DST: variants seen among roughly 807,000 people sequenced by gnomAD.
The protein encoded by DST is bullous pemphigoid antigen.
DST carries 253 observed loss-of-function variants against 875.2 expected under a neutral mutation model. That is an observed-to-expected ratio of 0.29 (90% CI 0.26 to 0.32). The LOEUF (loss-of-function observed/expected upper bound fraction) is 0.32. DST is among the 10% of genes least tolerant of loss of function. The pLI is 1.00. For missense variants in DST, 8,287 were observed against 9,111.6 expected (o/e 0.91, Z 3.68); for synonymous variants, 3,124 against 3,197.1 (o/e 0.98, Z 0.77).
intron 4 of DST, among the ~76,000 whole-genome samples, chr6:56,834,311 G>T (rs1262251872): frequency 6.6e-6 from 1 of 151,978 alleles, no homozygotes; most frequent in Non-Finnish European, 1.5e-5. Context: ...CATATAAAAA[G>T]ATACCAGCCA....
At chr6:56,788,595 T>C (rs2099709863) in intron 4 of DST, among the ~76,000 whole-genome samples, 1 of 152,246 alleles carries the variant, frequency 6.6e-6, no homozygotes. Context: ...AGAAATATTT[T>C]GTTACAGTGG....
At chr6:56,745,155 G>C (rs2152943440) in intron 4 of DST, among the ~76,000 whole-genome samples, 1 of 152,262 alleles carries the variant, frequency 6.6e-6, no homozygotes, top group South Asian at 2.1e-4. Flanking sequence ...TCATCATTAA[G>C]AAAAAGTTTC....
intron 61 of DST, among the ~76,000 whole-genome samples, chr6:56,546,023 C>T (rs2097214630): frequency 6.6e-6 from 1 of 151,934 alleles, no homozygotes. Flanking sequence ...TATGAATATG[C>T]ATCATATGAA....
At chr6:56,869,726 G>A (rs931031091) in intron 3 of DST, among the ~76,000 whole-genome samples, 4 of 151,980 alleles carry the variant, frequency 2.6e-5, no homozygotes, top group Admixed American at 6.6e-5. Context: ...ACAGGGAATC[G>A]CTCTGTCACC....
chr6:56,731,462 T>A (rs937155680), intron 5 of DST, among the ~76,000 whole-genome samples: 1 of 152,242 alleles, frequency 6.6e-6, no homozygotes, highest in African/African-American at 2.4e-5. Flanking sequence ...TGATATTGTA[T>A]GCTTCAACCT....
intron 49 of DST, among the ~76,000 whole-genome samples, chr6:56,584,354 A>T (rs1352094952): frequency 6.6e-6 from 1 of 152,174 alleles, no homozygotes; most frequent in Non-Finnish European, 1.5e-5. Context: ...TCTTGGAAGC[A>T]ACTGTGAATG....
chr6:56,900,953 G>A (rs1002338390), intron 2 of DST, among the ~76,000 whole-genome samples: 3 of 151,994 alleles, frequency 2.0e-5, no homozygotes, highest in Non-Finnish European at 4.4e-5. Context: ...CTGTGAAGAA[G>A]GGCGTTTCCA....
chr6:56,635,845 T>A, intron 23 of DST, 131 bp from the exon 24 acceptor site: 1 of 919,020 alleles, frequency 1.1e-6, no homozygotes, highest in Non-Finnish European at 1.7e-6. Flanking sequence ...CAAGATAGCT[T>A]AATAGTCACA....
At chr6:56,687,497 G>T (rs1563682138) in intron 9 of DST, among the ~76,000 whole-genome samples, 1 of 152,118 alleles carries the variant, frequency 6.6e-6, no homozygotes, top group Non-Finnish European at 1.5e-5. Context: ...TATAATAATA[G>T]AACCTTCTTA....
At chr6:56,879,413 G>C (rs1227979093) in intron 3 of DST, among the ~76,000 whole-genome samples, 1 of 151,956 alleles carries the variant, frequency 6.6e-6, no homozygotes, top group Non-Finnish European at 1.5e-5. Flanking sequence ...GGAGTTTGCA[G>C]TGAGCAGAGA....
At chr6:56,693,066 T>A (rs1157531033) in intron 9 of DST, 1 of 1,289,768 alleles carries the variant, frequency 7.8e-7, no homozygotes, top group Admixed American at 2.3e-5. Context: ...CAGGAGAGTA[T>A]TTTTCAGGGT....
intron 9 of DST, among the ~76,000 whole-genome samples, chr6:56,696,224 G>A (rs371806378): frequency 7.2e-5 from 11 of 152,078 alleles, no homozygotes; most frequent in Non-Finnish European, 7.4e-5. Context: ...GTGCAATGGC[G>A]TGATCTCAGC....
intron 2 of DST, among the ~76,000 whole-genome samples, chr6:56,909,892 A>T (rs890265474): frequency 6.6e-6 from 1 of 152,204 alleles, no homozygotes; most frequent in Non-Finnish European, 1.5e-5. Flanking sequence ...GATTAGAGCA[A>T]TTTAACTGTT....
chr6:56,788,487 A>G (rs1305444547), intron 4 of DST, among the ~76,000 whole-genome samples: 1 of 152,114 alleles, frequency 6.6e-6, no homozygotes, highest in South Asian at 2.1e-4. Flanking sequence ...CAGCCTAAGT[A>G]TTATGTTCTT....
At chr6:56,819,550 G>A (rs1591117705) in intron 4 of DST, among the ~76,000 whole-genome samples, 1 of 152,136 alleles carries the variant, frequency 6.6e-6, no homozygotes, top group African/African-American at 2.4e-5. Context: ...TGAACTTAGG[G>A]AGTTTTAATA....
chr6:56,670,588 T>G, intron 10 of DST, 53 bp downstream of exon 10: 1 of 1,141,990 alleles, frequency 8.8e-7, no homozygotes. Flanking sequence ...AATTCAGAGA[T>G]GAAAGAAATG....
At chr6:56,785,109 G>A (rs952698798) in intron 4 of DST, among the ~76,000 whole-genome samples, 1 of 152,184 alleles carries the variant, frequency 6.6e-6, no homozygotes, top group East Asian at 1.9e-4. Context: ...AGGAGTACCC[G>A]GCCGTGCGAG....
At chr6:56,920,095 A>G (rs923028225) in intron 2 of DST, among the ~76,000 whole-genome samples, 8 of 152,238 alleles carry the variant, frequency 5.3e-5, no homozygotes, top group Non-Finnish European at 1.2e-4. Context: ...CTGCATTGCA[A>G]TGAGATAAAA....
Position 56,617,655 on chromosome 6 carries a change from G to A in DST, c.4930-3171C>T, listed in dbSNP as rs9382659. 0.34 allele frequency among the ~76,000 whole-genome samples: 50,960 copies of A among 151,916 alleles called. 8,975 individuals are homozygous for A. The highest frequency in any genetic ancestry group is 0.41 in the Admixed American group (6,264 of 15,256). On this transcript the variant is annotated intron_variant, in intron 36 of 103. Coordinates refer to ENST00000680361, the MANE Select transcript of DST (RefSeq NM_001374736.1). ...TATCTTTAAAAAAGACTAAGACAAA[G>A]TCTAGCCACAGAATATGTTAGAAGT... is the stretch of plus-strand genomic sequence containing the variant.
Sources: gnomAD v4.1 joint callset for allele counts (sites outside exome capture counted in the v4.1 genomes callset) on GRCh38, gnomAD v4.1.1 for gene constraint, MANE v1.5 for transcripts, NCBI Gene and HGNC (gene_info 2026-07-23, HGNC 2026-07-21) for gene names.